The following ZFAND3 variants were observed in gnomAD, a reference collection of about 807,000 sequenced individuals.
ZFAND3 encodes zinc finger AN1-type containing 3.
In ZFAND3, 10 loss-of-function variants were observed where a neutral mutation model predicts 29.6. The ratio of observed to expected loss-of-function variants is 0.34; its 90% CI spans 0.21 to 0.57. ZFAND3 has a LOEUF of 0.57. ZFAND3 is among the 20% of genes least tolerant of loss of function. The pLI is 0.86. For missense variants in ZFAND3, 230 were observed against 304.5 expected (o/e 0.76, Z 1.82); for synonymous variants, 128 against 112.6 (o/e 1.14, Z -0.87).
intron 4 of ZFAND3, among the ~76,000 whole-genome samples, chr6:38,102,153 TTCTTCTTCA>T (rs1765107802): frequency 1.3e-5 from 2 of 152,152 alleles, no homozygotes; most frequent in Admixed American, 6.6e-5. Flanking sequence ...CTTCATCTTC[TTCTTCTTCA>T]TCTTCATCTT....
chr6:37,873,101 CA>C (rs369148005), intron 1 of ZFAND3, among the ~76,000 whole-genome samples: 4,522 of 148,536 alleles, frequency 0.03, 175 homozygotes, highest in African/African-American at 0.087. Flanking sequence ...TACTTAAAAA[CA>C]AAAAAAACCC....
chr6:38,139,364 C>T (rs1466039124), intron 5 of ZFAND3, among the ~76,000 whole-genome samples: 1 of 151,954 alleles, frequency 6.6e-6, no homozygotes, highest in Admixed American at 6.6e-5. Context: ...TGAAATCTAG[C>T]CAAGGAGACA....
intron 2 of ZFAND3, among the ~76,000 whole-genome samples, chr6:37,945,273 C>G (rs918592966): frequency 6.6e-6 from 1 of 152,136 alleles, no homozygotes; most frequent in African/African-American, 2.4e-5. Flanking sequence ...TTTTCTTTTC[C>G]CCTTCAACCA....
At chr6:37,904,825 T>C (rs1412185729) in intron 1 of ZFAND3, among the ~76,000 whole-genome samples, 3 of 152,186 alleles carry the variant, frequency 2.0e-5, no homozygotes, top group African/African-American at 7.2e-5. Flanking sequence ...GCACATAATG[T>C]GGATGTCAGT....
At chr6:38,145,667 G>A (rs913733135) in intron 5 of ZFAND3, among the ~76,000 whole-genome samples, 6 of 152,134 alleles carry the variant, frequency 3.9e-5, no homozygotes, top group African/African-American at 1.4e-4. Flanking sequence ...TATGGGTCTT[G>A]GAAAAATGCT....
At chr6:37,859,862 G>GT (rs55850662) in intron 1 of ZFAND3, among the ~76,000 whole-genome samples, 48,880 of 133,038 alleles carry the variant, frequency 0.37, 9,437 homozygotes, top group Non-Finnish European at 0.46. Flanking sequence ...GCTGGAGTGG[G>GT]TTTTTTTTTT....
intron 3 of ZFAND3, among the ~76,000 whole-genome samples, chr6:38,067,688 G>GATA: frequency 6.6e-6 from 1 of 152,312 alleles, no homozygotes. Context: ...AGAGAGAAAG[G>GATA]ATAATGCCAG....
intron 5 of ZFAND3, 87 bp downstream of exon 5, chr6:38,116,826 GTTC>G (rs1253256478): frequency 5.3e-6 from 8 of 1,508,910 alleles, no homozygotes; most frequent in East Asian, 2.3e-5. Context: ...GAAGTCTTTC[GTTC>G]TTCTTCTGAG....
Position 37,924,851 on chromosome 6 carries a change from G to T in ZFAND3, c.72-5108G>T, listed in dbSNP as rs1397263280. The stretch of plus-strand genomic sequence containing the variant: ...AAATAAAAAAATAAATTGGGTTGTT[G>T]AGGGAAGGCCAGTGAGGAGGTTTGA... On this transcript the variant is annotated intron_variant, in intron 1 of 5. Transcript: ENST00000287218. 2.0e-5 allele frequency among the ~76,000 whole-genome samples: 3 copies of T among 151,980 alleles called. No individual in the cohort carries two copies. In the East Asian group the frequency reaches 5.8e-4, roughly 29 times the overall value.
intron 2 of ZFAND3, among the ~76,000 whole-genome samples, chr6:37,999,574 A>G (rs1762909238): frequency 1.3e-5 from 2 of 152,208 alleles, no homozygotes; most frequent in African/African-American, 4.8e-5. Context: ...GGCCTCTGTG[A>G]TCTTCCTCCA....
intron 2 of ZFAND3, among the ~76,000 whole-genome samples, chr6:37,948,642 CTA>C (rs1342119065): frequency 6.6e-6 from 1 of 152,126 alleles, no homozygotes; most frequent in Non-Finnish European, 1.5e-5. Flanking sequence ...GCCTGCGTAT[CTA>C]TATTTGCCTT....
intron 1 of ZFAND3, among the ~76,000 whole-genome samples, chr6:37,838,221 GAA>G (rs1764004758): frequency 6.6e-6 from 1 of 152,188 alleles, no homozygotes; most frequent in African/African-American, 2.4e-5. Context: ...TGAAGGGAAT[GAA>G]AGTGTTCATA....
intron 2 of ZFAND3, among the ~76,000 whole-genome samples, chr6:37,958,020 AT>A (rs1034541149): frequency 2.6e-5 from 4 of 151,900 alleles, no homozygotes; most frequent in Admixed American, 6.6e-5. Context: ...GTAAATTTGG[AT>A]TTTTTTTTCT....
intron 4 of ZFAND3, among the ~76,000 whole-genome samples, chr6:38,099,711 T>C (rs1234836287): frequency 6.6e-6 from 1 of 152,250 alleles, no homozygotes; most frequent in Admixed American, 6.5e-5. Context: ...AGAAAAAGAC[T>C]ATAGCAGACA....
intron 1 of ZFAND3, among the ~76,000 whole-genome samples, chr6:37,827,524 T>G (rs1463037742): frequency 6.6e-6 from 1 of 152,222 alleles, no homozygotes; most frequent in Non-Finnish European, 1.5e-5. Context: ...TAGGGATAAG[T>G]GCATTGGATT....
chr6:37,906,233 A>G (rs1339308158), intron 1 of ZFAND3, among the ~76,000 whole-genome samples: 1 of 152,090 alleles, frequency 6.6e-6, no homozygotes, highest in African/African-American at 2.4e-5. Flanking sequence ...TGCAGCCACT[A>G]ATCTATTTTT....
chr6:37,931,479 A>T (rs1761593110), intron 2 of ZFAND3, among the ~76,000 whole-genome samples: 1 of 150,048 alleles, frequency 6.7e-6, no homozygotes, highest in Non-Finnish European at 1.5e-5. Flanking sequence ...TGGGAGGCAG[A>T]GGTGCAGTGA....
intron 4 of ZFAND3, among the ~76,000 whole-genome samples, chr6:38,090,063 AGC>A (rs1425046289): frequency 1.3e-5 from 2 of 151,978 alleles, no homozygotes; most frequent in African/African-American, 4.8e-5. Context: ...ATGTTGGCCG[AGC>A]TGGTCTCGAA....
Position 38,035,724 on chromosome 6 carries a change from G to A in ZFAND3, c.113-25869G>A, listed in dbSNP as rs759149232. ...AGCAAACACCACTAATCTAGGAAAG[G>A]TGCAGATTCTATCTCATATCCATGT... On this transcript the variant is annotated intron_variant, in intron 2 of 5. Transcript: ENST00000287218. Among the ~76,000 whole-genome samples, 114 of 152,154 alleles carry A rather than the reference G, an allele frequency of 7.5e-4. 1 individual carries two copies. Among genetic ancestry groups the A allele is most frequent in the Admixed American group, 3.1e-3 (48 of 15,270 alleles).
Sources: gnomAD v4.1 joint callset for allele counts (sites outside exome capture counted in the v4.1 genomes callset) on GRCh38, gnomAD v4.1.1 for gene constraint, MANE v1.5 for transcripts, NCBI Gene and HGNC (gene_info 2026-07-23, HGNC 2026-07-21) for gene names.